DPP8: variants seen among roughly 807,000 people sequenced by gnomAD.
DPP8 encodes the protein DPP VIII.
A neutral mutation model predicts 107.5 loss-of-function variants in DPP8; 31 were observed. The ratio of observed to expected loss-of-function variants is 0.29; its 90% confidence interval spans 0.22 to 0.39. DPP8 has a LOEUF of 0.39. DPP8 is among the 10% of genes least tolerant of loss of function. The pLI, the probability that DPP8 is intolerant of heterozygous loss-of-function variation, is 1.00. For missense variants in DPP8, 842 were observed against 1,076.1 expected (o/e 0.78, Z 3.04); for synonymous variants, 381 against 356.6 (o/e 1.07, Z -0.77).
At chr15:65,509,956 G>A (rs2141092707) in intron 2 of DPP8, among the ~76,000 whole-genome samples, 1 of 152,224 alleles carries the variant, frequency 6.6e-6, no homozygotes, top group Middle Eastern at 3.4e-3. Flanking sequence ...GGGAGGTGGA[G>A]GTTGCAGTTA....
At chr15:65,464,300 T>C (rs1265883865) in intron 14 of DPP8, among the ~76,000 whole-genome samples, 1 of 151,176 alleles carries the variant, frequency 6.6e-6, no homozygotes, top group Non-Finnish European at 1.5e-5. Flanking sequence ...GAGGTGGAGC[T>C]TGCAGTGAGC....
At chr15:65,496,912 C>T (rs1451643249) in intron 5 of DPP8, among the ~76,000 whole-genome samples, 1 of 151,754 alleles carries the variant, frequency 6.6e-6, no homozygotes, top group Non-Finnish European at 1.5e-5. Flanking sequence ...TTTTTTGAGA[C>T]AGGGTCTTGC....
chr15:65,498,567 A>G (rs769692825), intron 4 of DPP8, among the ~76,000 whole-genome samples: 1 of 152,194 alleles, frequency 6.6e-6, no homozygotes, highest in Non-Finnish European at 1.5e-5. Context: ...CATAAAGACA[A>G]TAAAACACTA....
At chr15:65,499,715 C>A (rs1325861584) in intron 4 of DPP8, among the ~76,000 whole-genome samples, 2 of 151,912 alleles carry the variant, frequency 1.3e-5, no homozygotes, top group Non-Finnish European at 2.9e-5. Context: ...CAGGCGCATG[C>A]TACCTTGCCT....
intron 1 of DPP8, chr15:65,516,653 T>G (rs2071476305): frequency 6.6e-6 from 1 of 152,172 alleles, no homozygotes; most frequent in Non-Finnish European, 1.5e-5. Flanking sequence ...GCATGTTGAC[T>G]CAGAAAATAG....
chr15:65,516,380 T>C (rs1304185456), intron 1 of DPP8: 1 of 151,406 alleles, frequency 6.6e-6, no homozygotes, highest in Non-Finnish European at 1.5e-5. Context: ...ATAATTTAAA[T>C]AGGTAACTTT....
At chr15:65,512,899 C>A (rs889288082) in intron 1 of DPP8, 3 of 260,094 alleles carry the variant, frequency 1.2e-5, no homozygotes, top group Middle Eastern at 1.3e-3. Context: ...TGCCAGTTGG[C>A]TGCTATGCTC....
At chr15:65,457,138 T>A (rs2064497079) in intron 15 of DPP8, among the ~76,000 whole-genome samples, 1 of 152,142 alleles carries the variant, frequency 6.6e-6, no homozygotes, top group South Asian at 2.1e-4. Context: ...GTGGATCACC[T>A]GAGGTCAGGA....
chr15:65,481,037 T>C (rs111502124), intron 9 of DPP8, among the ~76,000 whole-genome samples: 10 of 151,992 alleles, frequency 6.6e-5, no homozygotes, highest in African/African-American at 2.2e-4. Context: ...TGAGCCATGA[T>C]TGCACCACTG....
At chr15:65,496,518 T>C in intron 5 of DPP8, among the ~76,000 whole-genome samples, 1 of 152,244 alleles carries the variant, frequency 6.6e-6, no homozygotes, top group South Asian at 2.1e-4. Flanking sequence ...CATCTCTCTG[T>C]GCTTTGAATA....
intron 19 of DPP8, among the ~76,000 whole-genome samples, chr15:65,447,732 C>T (rs1595825629): frequency 6.6e-6 from 1 of 152,090 alleles, no homozygotes; most frequent in East Asian, 1.9e-4. Context: ...AATATTTTCT[C>T]AAAAGTGAAT....
At chr15:65,495,976 TTTTC>T (rs1417683790) in intron 5 of DPP8, among the ~76,000 whole-genome samples, 8 of 151,916 alleles carry the variant, frequency 5.3e-5, no homozygotes, top group African/African-American at 9.7e-5. Context: ...TTAACAATGA[TTTTC>T]TTTCTTTTTT....
At chr15:65,494,201 G>A (rs1277462172) in intron 5 of DPP8, among the ~76,000 whole-genome samples, 2 of 125,630 alleles carry the variant, frequency 1.6e-5, no homozygotes, top group African/African-American at 3.2e-5. Flanking sequence ...CCACCAAGGC[G>A]GGAGTGCAGT....
chr15:65,516,924 G>C (rs765012840), intron 1 of DPP8: 2 of 152,674 alleles, frequency 1.3e-5, no homozygotes, highest in African/African-American at 4.8e-5. Context: ...TAGAAGAAAA[G>C]TGTGTGAGAA....
chr15:65,455,748 G>A (rs1443354649), intron 16 of DPP8: 33 of 1,279,836 alleles, frequency 2.6e-5, no homozygotes, highest in Non-Finnish European at 3.2e-5. Flanking sequence ...CACAGTAACT[G>A]CCTTACTGTG....
At position 65,455,898 on chromosome 15, in the gene DPP8, TCA is replaced by T. The variant is rs2140376630; in HGVS notation, c.2118+325_2118+326del. The T allele has an allele frequency of 2.5e-6, 3 of 1,215,750 alleles. No homozygotes were observed. In the South Asian group the frequency reaches 3.8e-5, roughly 15 times the overall value. 75.3% of individuals were successfully genotyped at this position (1,215,750 alleles called of 1,614,324 possible). ...GGCACTAACCAGTTGGATTCCCTCT[TCA>T]CAGAGGACAGAACAAATCTCAATTA... On this transcript the variant is annotated intron_variant, in intron 16 of 19. Coordinates refer to ENST00000300141, the MANE Select transcript of DPP8 (RefSeq NM_130434.5).
intron 12 of DPP8, among the ~76,000 whole-genome samples, chr15:65,470,919 C>CAAAAAAA (rs773144225): frequency 5.4e-5 from 6 of 110,768 alleles, no homozygotes; most frequent in African/African-American, 1.7e-4. Flanking sequence ...ACTCTTATCT[C>CAAAAAAA]AAAAAAAAAA....
At chr15:65,482,251 G>A (rs1444304653) in intron 8 of DPP8, among the ~76,000 whole-genome samples, 1 of 151,858 alleles carries the variant, frequency 6.6e-6, no homozygotes, top group East Asian at 1.9e-4. Flanking sequence ...GTCTCCCTAT[G>A]TTGCCCAGTC....
At chr15:65,512,186 A>G in intron 2 of DPP8, 109 bp downstream of exon 2, 1 of 1,139,564 alleles carries the variant, frequency 8.8e-7, no homozygotes, top group Non-Finnish European at 1.3e-6. Flanking sequence ...AATGAAACCA[A>G]AAGTCACTGA....
Sources: allele counts gnomAD v4.1 joint callset (sites outside exome capture counted in the v4.1 genomes callset), GRCh38; gene constraint gnomAD v4.1.1; transcripts MANE v1.5; gene names NCBI Gene and HGNC (gene_info 2026-07-23, HGNC 2026-07-21).